Variants in MDFIC2 observed in about 807,000 individuals in gnomAD.
MDFIC2 encodes the protein myoD family inhibitor domain-containing protein 2.
At chr3:70,245,123 A>G (rs1701694460) in intron 2 of MDFIC2, among the ~76,000 whole-genome samples, 1 of 152,132 alleles carries the variant, frequency 6.6e-6, no homozygotes, top group Admixed American at 6.6e-5. Flanking sequence ...CTCTCCTTTA[A>G]TAGCTATTTT....
At chr3:70,247,575 A>G (rs1277177472) in intron 2 of MDFIC2, among the ~76,000 whole-genome samples, 6 of 151,880 alleles carry the variant, frequency 4.0e-5, no homozygotes, top group African/African-American at 1.4e-4. Flanking sequence ...CAATGCCACA[A>G]CTCAATTCTA....
intron 2 of MDFIC2, among the ~76,000 whole-genome samples, chr3:70,240,302 T>C (rs1032704819): frequency 6.6e-6 from 1 of 152,000 alleles, no homozygotes. Flanking sequence ...AAAAAAACAG[T>C]AGCTAAGCCA....
chr3:70,212,710 TAAAG>T (rs1308266354), intron 2 of MDFIC2, among the ~76,000 whole-genome samples: 1 of 152,106 alleles, frequency 6.6e-6, no homozygotes, highest in African/African-American at 2.4e-5. Flanking sequence ...ATATTAGTCA[TAAAG>T]AAAGCAAAAC....
chr3:70,285,310 T>G (rs1389576835), intron 2 of MDFIC2, among the ~76,000 whole-genome samples: 1 of 151,034 alleles, frequency 6.6e-6, no homozygotes, highest in East Asian at 2.0e-4. Context: ...ATGTGGTGTT[T>G]GGTTTTTTGT....
chr3:70,244,295 C>T (rs1054028754), intron 2 of MDFIC2, among the ~76,000 whole-genome samples: 6 of 152,110 alleles, frequency 3.9e-5, no homozygotes, highest in African/African-American at 9.7e-5. Flanking sequence ...GAAATGCTGC[C>T]GACCACTGCA....
intron 2 of MDFIC2, among the ~76,000 whole-genome samples, chr3:70,275,123 G>A (rs967084422): frequency 1.3e-5 from 2 of 152,138 alleles, no homozygotes; most frequent in African/African-American, 4.8e-5. Flanking sequence ...CATTCTCACT[G>A]ACTTTATAGT....
At chr3:70,250,173 G>A (rs1701747566) in intron 2 of MDFIC2, among the ~76,000 whole-genome samples, 1 of 152,096 alleles carries the variant, frequency 6.6e-6, no homozygotes, top group South Asian at 2.1e-4. Context: ...TATTGTGAAG[G>A]ATTTGGAGTT....
At chr3:70,198,242 A>G (rs1182599898) in intron 3 of MDFIC2, among the ~76,000 whole-genome samples, 2 of 152,164 alleles carry the variant, frequency 1.3e-5, no homozygotes, top group Non-Finnish European at 2.9e-5. Context: ...GGGCTTATCA[A>G]TTGATTTAAG....
chr3:70,241,887 C>T (rs79247042), intron 2 of MDFIC2, among the ~76,000 whole-genome samples: 3,589 of 152,250 alleles, frequency 0.024, 136 homozygotes, highest in African/African-American at 0.081. Flanking sequence ...GGGCTTAGAA[C>T]GAAGGTTTGC....
chr3:70,292,365 G>A (rs188789273), intron 2 of MDFIC2, among the ~76,000 whole-genome samples: 1 of 152,144 alleles, frequency 6.6e-6, no homozygotes, highest in Non-Finnish European at 1.5e-5. Flanking sequence ...TGTTGGCCTT[G>A]ATATCTTCAG....
intron 2 of MDFIC2, among the ~76,000 whole-genome samples, chr3:70,272,815 A>G (rs192620445): frequency 1.7e-4 from 26 of 152,306 alleles, no homozygotes; most frequent in Admixed American, 1.6e-3. Context: ...TGTTTCACGA[A>G]GTTAGAATTT....
chr3:70,275,214 T>C (rs1358388896), intron 2 of MDFIC2, among the ~76,000 whole-genome samples: 1 of 152,164 alleles, frequency 6.6e-6, no homozygotes, highest in Admixed American at 6.5e-5. Context: ...TGAATAGCAT[T>C]CATGATGATT....
chr3:70,197,015 C>T lies in MDFIC2; in HGVS notation c.481G>A (p.Asp161Asn), dbSNP rs368376247. Residue 161 changes from aspartate (D) to asparagine (N), a missense_variant, in exon 4 of 4, where the codon GAC (aspartate) becomes AAC (asparagine). Coordinates refer to ENST00000567252, the MANE Select transcript of MDFIC2 (RefSeq NM_001364677.1). ...HSRNDCSCNCDMDCSLFESCH... is the reference protein window; with the variant it reads ...HSRNDCSCNCNMDCSLFESCH... Reference sequence around the variant, plus strand: ...GATTCAAAAAGGCTGCAGTCCATGTCACAATTGCAGCTGCAATCATTCCGA... The same window carrying T: ...GATTCAAAAAGGCTGCAGTCCATGTTACAATTGCAGCTGCAATCATTCCGA... The T allele has an allele frequency of 1.8e-5, 7 of 398,582 alleles. No homozygotes were observed. The highest frequency in any genetic ancestry group is 3.6e-5 in the East Asian group (1 of 28,064). 24.7% of individuals were successfully genotyped at this position (398,582 alleles called of 1,614,324 possible).
intron 2 of MDFIC2, among the ~76,000 whole-genome samples, chr3:70,272,882 C>T (rs1559550786): frequency 6.6e-6 from 1 of 152,182 alleles, no homozygotes; most frequent in Non-Finnish European, 1.5e-5. Flanking sequence ...GAGGAAATCA[C>T]TGAAACAAAA....
intron 3 of MDFIC2, among the ~76,000 whole-genome samples, chr3:70,198,551 C>T (rs1212898980): frequency 6.6e-6 from 1 of 152,122 alleles, no homozygotes; most frequent in African/African-American, 2.4e-5. Flanking sequence ...AAGGTGAGTC[C>T]TGAATATAAG....
Position 70,227,385 on chromosome 3 carries a change from A to G in MDFIC2, c.89-20595T>C, listed in dbSNP as rs192874859. 6.6e-4 allele frequency among the ~76,000 whole-genome samples: 101 copies of G among 152,334 alleles called. 2 individuals are homozygous for G. In the East Asian group the frequency reaches 0.019, roughly 29 times the overall value. On this transcript the variant is annotated intron_variant, in intron 2 of 3. Coordinates refer to ENST00000567252, the MANE Select transcript of MDFIC2 (RefSeq NM_001364677.1). ...TTACTCAAGAGATGAGAATATGTCA[A>G]GAAAACAATGTGATTCAAAATATCA...
In MDFIC2 at chr3:70,218,146, T is replaced by C. The variant is rs571155585; in HGVS notation, c.89-11356A>G. 1.3e-5 allele frequency among the ~76,000 whole-genome samples: 2 copies of C among 152,290 alleles called. 1 individual carries two copies. The highest frequency in any genetic ancestry group is 3.9e-4 in the East Asian group (2 of 5,166). On this transcript the variant is annotated intron_variant, in intron 2 of 3. Coordinates refer to ENST00000567252, the MANE Select transcript of MDFIC2 (RefSeq NM_001364677.1). Reference sequence around the variant, plus strand: ...TTCTTGATAGTCCACTTGGTGGAAATTTAGCCCAGTGGTCTCCAAAGTGGC... The same window carrying C: ...TTCTTGATAGTCCACTTGGTGGAAACTTAGCCCAGTGGTCTCCAAAGTGGC...
At chr3:70,236,232 G>A (rs1424014966) in intron 2 of MDFIC2, among the ~76,000 whole-genome samples, 1 of 152,088 alleles carries the variant, frequency 6.6e-6, no homozygotes, top group African/African-American at 2.4e-5. Flanking sequence ...ATCCAGATGT[G>A]TTGTCTTTTA....
At chr3:70,240,390 G>GT (rs1453686334) in intron 2 of MDFIC2, among the ~76,000 whole-genome samples, 4 of 151,764 alleles carry the variant, frequency 2.6e-5, no homozygotes, top group Non-Finnish European at 5.9e-5. Flanking sequence ...GAGCTATGTG[G>GT]TTTTTTGTCT....
Sources: allele counts gnomAD v4.1 joint callset (sites outside exome capture counted in the v4.1 genomes callset), GRCh38; gene constraint gnomAD v4.1.1; transcripts MANE v1.5; gene names NCBI Gene and HGNC (gene_info 2026-07-23, HGNC 2026-07-21).